The following ZNF99 variants were observed in gnomAD, a reference collection of about 807,000 sequenced individuals.
ZNF99 encodes the protein zinc finger protein ENSP00000375192.
In ZNF99, 8 loss-of-function variants were observed where a neutral mutation model predicts 12.8. The ratio of observed to expected loss-of-function variants is 0.62; its 90% confidence interval spans 0.37 to 1.13. ZNF99 has a LOEUF of 1.13. Ranked by LOEUF, ZNF99 falls within the 50% of genes most tolerant of loss-of-function variation. The pLI, the probability that ZNF99 is intolerant of heterozygous loss-of-function variation, is 0.02. For missense variants in ZNF99, 1,007 were observed against 1,006.2 expected, an observed-to-expected ratio of 1.00 and a Z score of -0.01; for synonymous variants, 318 against 319.0, an observed-to-expected ratio of 1.00 and a Z score of 0.03.
chr19:22,756,173 TG>T lies in ZNF99; in HGVS notation c.*1140del, dbSNP rs930779415. The T allele has an allele frequency of 6.5e-7, 1 of 1,544,148 alleles. No individual in the cohort carries two copies. The highest frequency in any genetic ancestry group is 8.8e-7 in the Non-Finnish European group (1 of 1,138,922). On this transcript the variant is annotated 3_prime_UTR_variant, in exon 4 of 4. Transcript: ENST00000596209. ...CTTATGTGTATTAAGGTTTGTAAAA[TG>T]GTTGAAAGCTTTGACACATTCTTCA...
intron 1 of ZNF99, among the ~76,000 whole-genome samples, chr19:22,782,123 A>G (rs1973394228): frequency 6.6e-6 from 1 of 152,238 alleles, no homozygotes; most frequent in Non-Finnish European, 1.5e-5. Flanking sequence ...AAGGACAAAT[A>G]GTAATGTGAA....
At chr19:22,771,912 T>G in intron 1 of ZNF99, among the ~76,000 whole-genome samples, 1 of 148,312 alleles carries the variant, frequency 6.7e-6, no homozygotes, top group Non-Finnish European at 1.5e-5. Context: ...GAGACAGGGT[T>G]TCACCATATT....
At chr19:22,773,294 A>T (rs920074431) in intron 1 of ZNF99, among the ~76,000 whole-genome samples, 1 of 152,216 alleles carries the variant, frequency 6.6e-6, no homozygotes, top group African/African-American at 2.4e-5. Context: ...CATAAAAGAC[A>T]AATTTTCTTC....
intron 1 of ZNF99, among the ~76,000 whole-genome samples, chr19:22,772,412 C>T (rs1599447777): frequency 2.6e-5 from 4 of 152,134 alleles, no homozygotes; most frequent in South Asian, 2.1e-4. Flanking sequence ...AGGTCGGGTA[C>T]GGTGGCTTGC....
intron 3 of ZNF99, among the ~76,000 whole-genome samples, chr19:22,765,511 T>C (rs1973194101): frequency 6.6e-6 from 1 of 151,724 alleles, no homozygotes; most frequent in African/African-American, 2.4e-5. Flanking sequence ...AAAAATAAAG[T>C]AGTACACAGG....
In ZNF99 at chr19:22,784,120, C is replaced by A; in HGVS notation, c.-104G>T. On this transcript the variant is annotated 5_prime_UTR_variant, in exon 1 of 4. Transcript: ENST00000596209. The stretch of plus-strand genomic sequence containing the variant: ...GGACACAGAGCAGTAAAAACGAGAT[C>A]CGGAGCTCCAGCTGGAACCAGAAAC... 1 of 1,346,932 alleles carries A rather than the reference C, an allele frequency of 7.4e-7. No homozygotes were observed. Among genetic ancestry groups the A allele is most frequent in the Non-Finnish European group, 1.0e-6 (1 of 965,428 alleles). 83.4% of individuals were successfully genotyped at this position (1,346,932 alleles called of 1,614,324 possible).
intron 1 of ZNF99, among the ~76,000 whole-genome samples, chr19:22,777,285 A>C (rs2145158561): frequency 6.6e-6 from 1 of 152,348 alleles, no homozygotes; most frequent in East Asian, 1.9e-4. Flanking sequence ...ATCCTTAGAA[A>C]ACTAATGCAG....
At position 22,757,616 on chromosome 19, in the gene ZNF99, C is replaced by T; in HGVS notation, c.2293G>A (p.Glu765Lys). 2 of 1,611,560 alleles carry T rather than the reference C, an allele frequency of 1.2e-6. No homozygotes were observed. The highest frequency in any genetic ancestry group is 2.2e-5 in the East Asian group (1 of 44,830). Residue 765 changes from glutamate to lysine, a missense_variant, in exon 4 of 4, where the codon GAA becomes AAA. Transcript: ENST00000596209. ...AAATGCTTAAAAGCTTTGCCACATT[C>T]TTCACATTTGCAGGGTTTCTCTGCA... ...HTAEKPCKCE[E>K]CGKAFKHFSA...
chr19:22,777,141 C>A (rs56262701), intron 1 of ZNF99, among the ~76,000 whole-genome samples: 13,025 of 151,872 alleles, frequency 0.086, 575 homozygotes, highest in Middle Eastern at 0.11. Flanking sequence ...GACAGAGACC[C>A]ATTTTCAAAA....
chr19:22,777,972 T>C (rs959861865), intron 1 of ZNF99, among the ~76,000 whole-genome samples: 3 of 124,824 alleles, frequency 2.4e-5, no homozygotes, highest in Non-Finnish European at 4.7e-5. Flanking sequence ...ATGAGAACAC[T>C]TGGACACAGG....
chr19:22,761,680 G>C (rs1304195155), intron 3 of ZNF99, among the ~76,000 whole-genome samples: 2 of 152,220 alleles, frequency 1.3e-5, no homozygotes, highest in East Asian at 3.9e-4. Flanking sequence ...AATAACTGCA[G>C]AATATACATT....
At position 22,757,072 on chromosome 19, in the gene ZNF99, TTTC is replaced by T. The variant is rs1164124029; in HGVS notation, c.*239_*241del. ...TCTCCCTAGTATGAATTAGCTTATG[TTTC>T]TTAAGGGTTGAGGAATTGTTAAAAG... On this transcript the variant is annotated 3_prime_UTR_variant, in exon 4 of 4. Coordinates refer to ENST00000596209, the MANE Select transcript of ZNF99 (RefSeq NM_001080409.3). 12 of 1,612,914 alleles carry T rather than the reference TTTC, an allele frequency of 7.4e-6. No individual in the cohort carries two copies. The highest frequency in any genetic ancestry group is 9.3e-6 in the Non-Finnish European group (11 of 1,179,264).
rs376791710 is a variant in ZNF99, at chr19:22,756,909, A to G, written c.*405T>C. On this transcript the variant is annotated 3_prime_UTR_variant, in exon 4 of 4. Coordinates refer to ENST00000596209, the MANE Select transcript of ZNF99 (RefSeq NM_001080409.3). ...TACAGTATGAATTACCTTATGTTCC[A>G]TAAGTTTTGAGACCACTTAAAAGCT... 2.0e-4 allele frequency: 317 copies of G among 1,604,128 alleles called. No homozygotes were observed. The highest frequency in any genetic ancestry group is 2.5e-4 in the Non-Finnish European group (293 of 1,175,888).
chr19:22,765,049 C>T (rs1412968494), intron 3 of ZNF99, among the ~76,000 whole-genome samples: 3 of 152,054 alleles, frequency 2.0e-5, no homozygotes, highest in South Asian at 2.1e-4. Context: ...TTTATAGCAG[C>T]GTAATTCACA....
chr19:22,763,893 T>C (rs77296679), intron 3 of ZNF99, among the ~76,000 whole-genome samples: 12 of 128,980 alleles, frequency 9.3e-5, no homozygotes, highest in African/African-American at 1.0e-4. Context: ...ATACTCTTTT[T>C]TTTTTCTTTC....
chr19:22,771,895 T>A, intron 1 of ZNF99, among the ~76,000 whole-genome samples: 1 of 147,390 alleles, frequency 6.8e-6, no homozygotes. Flanking sequence ...TTTTTGTATT[T>A]TTAGTAGAGA....
chr19:22,758,653 T>G lies in ZNF99; in HGVS notation c.1256A>C (p.His419Pro). 1 of 1,612,942 alleles carries G rather than the reference T, an allele frequency of 6.2e-7. No homozygotes were observed. The highest frequency in any genetic ancestry group is 8.5e-7 in the Non-Finnish European group (1 of 1,179,400). Reference sequence around the variant, plus strand: ...ACATTTGCAGGGTTTCTCTGCAGTATGAATTACCTTATGTACAGTAAGTTT... The same window carrying G: ...ACATTTGCAGGGTTTCTCTGCAGTAGGAATTACCTTATGTACAGTAAGTTT... ...SSKLTVHKVIHTAEKPCKCEE... is the reference protein window; with the variant it reads ...SSKLTVHKVIPTAEKPCKCEE... The change falls in exon 4 of 4, where the codon CAT becomes CCT. Residue 419 changes from histidine to proline, a missense_variant. His to Pro is a moderately conservative substitution (Grantham distance 77). Coordinates refer to ENST00000596209, the MANE Select transcript of ZNF99 (RefSeq NM_001080409.3).
Position 22,762,632 on chromosome 19 carries a change from T to C in ZNF99, c.227-2950A>G, listed in dbSNP as rs143442065. On this transcript the variant is annotated intron_variant, in intron 3 of 3. Transcript: ENST00000596209. ...GAAAGAGGGAGCCCTTCCTAATTCA[T>C]TCTATGAAGCCAGCATCACCCTAAT... Among the ~76,000 whole-genome samples the C allele has an allele frequency of 6.8e-3, 1,028 of 152,090 alleles. 9 individuals are homozygous for C. The highest frequency in any genetic ancestry group is 0.023 in the African/African-American group (938 of 41,440).
At chr19:22,770,121 C>T (rs1973250334) in intron 1 of ZNF99, 2 of 835,014 alleles carry the variant, frequency 2.4e-6, no homozygotes, top group Non-Finnish European at 3.1e-6. Context: ...CTGTTTTTGG[C>T]CCCAAAAGAA....
Sources: gnomAD v4.1 joint callset for allele counts (sites outside exome capture counted in the v4.1 genomes callset) on GRCh38, gnomAD v4.1.1 for gene constraint, MANE v1.5 for transcripts, NCBI Gene and HGNC (gene_info 2026-07-23, HGNC 2026-07-21) for gene names.